Variants in PARD3B observed in about 807,000 individuals in gnomAD.
The protein encoded by PARD3B is partitioning defective 3 homolog B.
A neutral mutation model predicts 130.2 loss-of-function variants in PARD3B; 103 were observed. That is an observed-to-expected ratio of 0.79 (90% confidence interval 0.67 to 0.93). PARD3B has a LOEUF of 0.93. Ranked by LOEUF, PARD3B falls within the 40% of genes least tolerant of loss-of-function variation. PARD3B has a pLI of 0.00. For synonymous variants in PARD3B, 583 were observed against 553.2 expected (o/e 1.05, Z -0.76); for missense variants, 1,609 against 1,499.2 (o/e 1.07, Z -1.21).
chr2:205,042,636 G>T (rs995205312), intron 3 of PARD3B, among the ~76,000 whole-genome samples: 1 of 151,960 alleles, frequency 6.6e-6, no homozygotes, highest in Admixed American at 6.6e-5. Flanking sequence ...ACTTGATCTA[G>T]CCTCTGGTGT....
At chr2:205,574,855 TAAA>T (rs5837982) in intron 22 of PARD3B, among the ~76,000 whole-genome samples, 13 of 121,548 alleles carry the variant, frequency 1.1e-4, no homozygotes, top group African/African-American at 2.9e-4. Context: ...CACTGAGGAG[TAAA>T]AAAAAAAAAA....
At chr2:204,983,013 C>G (rs1692807583) in intron 3 of PARD3B, among the ~76,000 whole-genome samples, 3 of 151,992 alleles carry the variant, frequency 2.0e-5, no homozygotes, top group Admixed American at 1.3e-4. Flanking sequence ...TGCTTTTTGT[C>G]TTGGTTTTCT....
chr2:205,533,079 C>G (rs1459761086), intron 21 of PARD3B, among the ~76,000 whole-genome samples: 1 of 152,072 alleles, frequency 6.6e-6, no homozygotes, highest in Non-Finnish European at 1.5e-5. Flanking sequence ...TATAATAACA[C>G]AAAATCACTG....
At chr2:205,365,607 A>C (rs1400501541) in intron 18 of PARD3B, among the ~76,000 whole-genome samples, 1 of 143,572 alleles carries the variant, frequency 7.0e-6, no homozygotes, top group Non-Finnish European at 1.5e-5. Context: ...GATTATTTAC[A>C]AAGAAAAACC....
intron 20 of PARD3B, among the ~76,000 whole-genome samples, chr2:205,492,992 G>C (rs2106324246): frequency 1.3e-5 from 2 of 152,128 alleles, no homozygotes; most frequent in Non-Finnish European, 2.9e-5. Flanking sequence ...AGTTTTATTT[G>C]ACAGAAATCT....
At chr2:205,224,284 T>C (rs554883181) in intron 15 of PARD3B, among the ~76,000 whole-genome samples, 1 of 133,958 alleles carries the variant, frequency 7.5e-6, no homozygotes, top group Non-Finnish European at 1.5e-5. Context: ...GGCAGGAGAA[T>C]GGTGTGAGCC....
chr2:205,344,798 T>G (rs1185601664), intron 18 of PARD3B, among the ~76,000 whole-genome samples: 2 of 152,158 alleles, frequency 1.3e-5, no homozygotes, highest in Non-Finnish European at 2.9e-5. Context: ...TATGTGAAAT[T>G]GCGTGGGTAT....
chr2:205,054,404 T>TTTTATATATA (rs1479400750), intron 4 of PARD3B, among the ~76,000 whole-genome samples: 1 of 33,810 alleles, frequency 3.0e-5, no homozygotes, highest in African/African-American at 9.0e-5. Flanking sequence ...GACATGTCTT[T>TTTTATATATA]TATATATATA....
At chr2:205,332,684 C>T (rs1409723390) in intron 18 of PARD3B, among the ~76,000 whole-genome samples, 2 of 152,198 alleles carry the variant, frequency 1.3e-5, no homozygotes, top group Non-Finnish European at 2.9e-5. Flanking sequence ...TTCCCCTCTT[C>T]TCTCCTTCAT....
intron 16 of PARD3B, among the ~76,000 whole-genome samples, chr2:205,294,829 A>T (rs1320658200): frequency 6.6e-6 from 1 of 152,190 alleles, no homozygotes; most frequent in Non-Finnish European, 1.5e-5. Context: ...GATAATGTAA[A>T]GCCAAATTGC....
intron 1 of PARD3B, among the ~76,000 whole-genome samples, chr2:204,655,316 A>G (rs1319089747): frequency 6.6e-6 from 1 of 152,080 alleles, no homozygotes. Context: ...ATATCCCAAT[A>G]TCCCTGCTTG....
At chr2:205,487,238 CTT>C (rs2049478893) in intron 20 of PARD3B, among the ~76,000 whole-genome samples, 1 of 152,200 alleles carries the variant, frequency 6.6e-6, no homozygotes, top group Non-Finnish European at 1.5e-5. Context: ...TAATCACAAT[CTT>C]TAGCTTCTTT....
At chr2:205,294,553 A>C (rs190362537) in intron 16 of PARD3B, among the ~76,000 whole-genome samples, 32 of 152,328 alleles carry the variant, frequency 2.1e-4, no homozygotes, top group African/African-American at 7.5e-4. Context: ...GGCCATGCTC[A>C]TACTCATAAT....
At chr2:205,504,590 G>C (rs548189104) in intron 21 of PARD3B, among the ~76,000 whole-genome samples, 3 of 152,194 alleles carry the variant, frequency 2.0e-5, no homozygotes, top group Non-Finnish European at 2.9e-5. Context: ...GATATGAACA[G>C]ACACTTCTCA....
chr2:205,270,192 T>G (rs2040666645), intron 16 of PARD3B, among the ~76,000 whole-genome samples: 1 of 152,144 alleles, frequency 6.6e-6, no homozygotes. Context: ...TCAGTAATAA[T>G]AATATCTAAA....
At chr2:204,717,425 A>G (rs76423863) in intron 2 of PARD3B, among the ~76,000 whole-genome samples, 17,888 of 152,092 alleles carry the variant, frequency 0.12, 1,170 homozygotes, top group African/African-American at 0.17. Context: ...CCATTTTCCC[A>G]CCTTTTTAAA....
intron 19 of PARD3B, among the ~76,000 whole-genome samples, chr2:205,416,080 T>C (rs2046765378): frequency 6.6e-6 from 1 of 152,098 alleles, no homozygotes; most frequent in South Asian, 2.1e-4. Context: ...GTTTCAAGCA[T>C]AGACTAGCTG....
chr2:205,014,726 T>C (rs1223683782), intron 3 of PARD3B, among the ~76,000 whole-genome samples: 1 of 152,144 alleles, frequency 6.6e-6, no homozygotes, highest in Non-Finnish European at 1.5e-5. Flanking sequence ...TGTAGTCTAG[T>C]CTAGGAGAGG....
chr2:204,998,394 A>G lies in PARD3B; in HGVS notation c.394+33071A>G, dbSNP rs1483681963. Among the ~76,000 whole-genome samples, 9 of 75,938 alleles carry G rather than the reference A, an allele frequency of 1.2e-4. 2 individuals are homozygous for G. Among genetic ancestry groups the G allele is most frequent in the South Asian group, 3.3e-4 (1 of 3,024 alleles). 49.8% of individuals were successfully genotyped at this position (75,938 alleles called of 152,430 possible). A position where few individuals can be genotyped will look rare whatever the true frequency, so the allele number is the denominator to read the frequency against. On this transcript the variant is annotated intron_variant, in intron 3 of 22. Transcript: ENST00000406610. ...TGTGTGTATATATGTGTGTGTATAT[A>G]TGTATATATGTGTATATATATGTAT... is the stretch of plus-strand genomic sequence containing the variant.
Sources: allele counts gnomAD v4.1 joint callset (sites outside exome capture counted in the v4.1 genomes callset), GRCh38; gene constraint gnomAD v4.1.1; transcripts MANE v1.5; gene names NCBI Gene and HGNC (gene_info 2026-07-23, HGNC 2026-07-21).